Variants in ACAA2 observed in about 807,000 individuals in gnomAD.
The protein encoded by ACAA2 is 3-ketoacyl-CoA thiolase, mitochondrial.
Under a neutral mutation model 44.8 loss-of-function variants are expected in ACAA2, and 35 were observed. That is an observed-to-expected ratio of 0.78 (90% CI 0.60 to 1.04). ACAA2 has a LOEUF of 1.04. Among genes scored for constraint, ACAA2 ranks in the 50% least tolerant of loss-of-function variants. The pLI is 0.00. For synonymous variants in ACAA2, 142 were observed against 166.5 expected, an observed-to-expected ratio of 0.85 and a Z score of 1.13; for missense variants, 468 against 482.6, an observed-to-expected ratio of 0.97 and a Z score of 0.28.
chr18:49,793,459 T>G (rs940882674), intron 5 of ACAA2, among the ~76,000 whole-genome samples: 1 of 152,194 alleles, frequency 6.6e-6, no homozygotes, highest in Non-Finnish European at 1.5e-5. Flanking sequence ...TTGTGCGTGG[T>G]AGAAGTAGAA....
intron 9 of ACAA2, among the ~76,000 whole-genome samples, 198 bp downstream of exon 9, chr18:49,784,999 T>G (rs548334669): frequency 1.3e-4 from 20 of 152,258 alleles, no homozygotes; most frequent in African/African-American, 4.3e-4. Context: ...GGTTCTTAAG[T>G]GCAAAGCCAC....
At chr18:49,793,522 ATAAG>A (rs1011547965) in intron 5 of ACAA2, among the ~76,000 whole-genome samples, 14 of 152,242 alleles carry the variant, frequency 9.2e-5, no homozygotes, top group Non-Finnish European at 2.1e-4. Flanking sequence ...CTATGAACAT[ATAAG>A]TAAAAAAACA....
chr18:49,786,149 TATA>T (rs2023326402), intron 8 of ACAA2: 1 of 151,980 alleles, frequency 6.6e-6, no homozygotes, highest in Non-Finnish European at 1.5e-5. Flanking sequence ...TCTTTCCTAC[TATA>T]CTTTGTGGTC....
At chr18:49,811,442 A>G (rs1320491813) in intron 1 of ACAA2, 1 of 152,208 alleles carries the variant, frequency 6.6e-6, no homozygotes, top group Non-Finnish European at 1.5e-5. Flanking sequence ...GAGCAGTAGG[A>G]GAGCTATGAT....
In ACAA2 at chr18:49,812,434, T is replaced by C. The variant is rs544883203; in HGVS notation, c.16+1035A>G. Among the ~76,000 whole-genome samples the C allele has an allele frequency of 3.3e-5, 5 of 152,308 alleles. No homozygotes were observed. The East Asian group carries it at 9.6e-4, about 29-fold the overall frequency. On this transcript the variant is annotated intron_variant, in intron 1 of 9. Coordinates refer to ENST00000285093, the MANE Select transcript of ACAA2 (RefSeq NM_006111.3). The stretch of plus-strand genomic sequence containing the variant: ...TCATCAAACCAGACACTTTTCATCA[T>C]TCTCGACATTTCCTTCTTATATTTA...
At chr18:49,804,838 AT>A (rs1250483290) in intron 1 of ACAA2, among the ~76,000 whole-genome samples, 1 of 152,220 alleles carries the variant, frequency 6.6e-6, no homozygotes. Flanking sequence ...CAAATATATG[AT>A]TATGATGTGA....
At chr18:49,804,710 T>C (rs1297924852) in intron 1 of ACAA2, among the ~76,000 whole-genome samples, 1 of 152,190 alleles carries the variant, frequency 6.6e-6, no homozygotes, top group Non-Finnish European at 1.5e-5. Context: ...TAATACAAAC[T>C]AAGACTATAA....
intron 2 of ACAA2, among the ~76,000 whole-genome samples, chr18:49,799,130 C>G (rs774313949): frequency 2.0e-5 from 3 of 152,194 alleles, no homozygotes; most frequent in Non-Finnish European, 4.4e-5. Context: ...AACACCCTTT[C>G]ATGACAAAAA....
chr18:49,783,894 T>C lies in ACAA2; in HGVS notation c.1147A>G (p.Ile383Val), dbSNP rs763462443. The C allele has an allele frequency of 5.0e-6, 8 of 1,614,054 alleles. No individual in the cohort carries two copies. The African/African-American group carries it at 1.1e-4, about 22-fold the overall frequency. ...ACAGCAATACCTTGGCCACCTCCAA[T>C]GCAAGCTGATCCAACGGCATATTTT... Reference protein sequence around the residue: ...GGKYAVGSACIGGGQGIAVII... With the variant: ...GGKYAVGSACVGGGQGIAVII... Residue 383 changes from isoleucine to valine, a missense_variant, in exon 10 of 10, where the codon ATT (isoleucine) becomes GTT (valine). Coordinates refer to ENST00000285093, the MANE Select transcript of ACAA2 (RefSeq NM_006111.3).
chr18:49,803,392 G>A (rs1186088054), intron 1 of ACAA2, among the ~76,000 whole-genome samples: 4 of 152,026 alleles, frequency 2.6e-5, no homozygotes, highest in Admixed American at 2.0e-4. Flanking sequence ...CCCCAGTCAC[G>A]TTCCCCACAC....
At chr18:49,789,425 G>T (rs1257938107) in intron 7 of ACAA2, among the ~76,000 whole-genome samples, 1 of 152,070 alleles carries the variant, frequency 6.6e-6, no homozygotes, top group Non-Finnish European at 1.5e-5. Context: ...TGATACTGTG[G>T]GACATCTGGA....
intron 1 of ACAA2, among the ~76,000 whole-genome samples, chr18:49,805,551 C>T (rs2023601153): frequency 1.3e-5 from 2 of 151,956 alleles, no homozygotes; most frequent in South Asian, 4.2e-4. Flanking sequence ...CAGTCTCTGC[C>T]TATTTTTATA....
chr18:49,787,260 T>TTAA lies in ACAA2; in HGVS notation c.954+30_954+31insTTA. The TTAA allele has an allele frequency of 7.8e-6, 8 of 1,023,524 alleles. No individual in the cohort carries two copies. The South Asian group carries it at 1.1e-4, about 14-fold the overall frequency. The allele number at this position is 1,023,524 out of a possible 1,614,324, so 63.4% of individuals were successfully genotyped here. ...AAAGTACATGGTTTATTCATGTTGT[T>TTAA]AAAAAAAAAAAAAAAAAAAAAAACA... On this transcript the variant is annotated intron_variant, in intron 8 of 9. Coordinates refer to ENST00000285093, the MANE Select transcript of ACAA2 (RefSeq NM_006111.3).
intron 2 of ACAA2, among the ~76,000 whole-genome samples, chr18:49,799,684 G>C (rs2023510938): frequency 6.6e-6 from 1 of 150,946 alleles, no homozygotes; most frequent in Non-Finnish European, 1.5e-5. Flanking sequence ...CCATCGTCTG[G>C]GATGTGGGGA....
chr18:49,784,122 AAACAAAAAACAAAG>A (rs982500750), intron 9 of ACAA2, among the ~76,000 whole-genome samples, 191 bp from the exon 10 acceptor site: 3 of 151,624 alleles, frequency 2.0e-5, no homozygotes, highest in Non-Finnish European at 2.9e-5. Flanking sequence ...TAATCAAAAA[AAACAAAAAACAAAG>A]AACAAAAACA....
chr18:49,802,639 C>A, intron 2 of ACAA2, 48 bp downstream of exon 2: 1 of 1,516,596 alleles, frequency 6.6e-7, no homozygotes, highest in South Asian at 1.3e-5. Context: ...TTTTTAGAAA[C>A]TGATCAAAGA....
intron 7 of ACAA2, among the ~76,000 whole-genome samples, chr18:49,788,334 C>A: frequency 6.6e-6 from 1 of 152,210 alleles, no homozygotes; most frequent in Admixed American, 6.5e-5. Flanking sequence ...GTTTCACAAG[C>A]ATTTTACCTT....
At chr18:49,809,004 G>C (rs1011268678) in intron 1 of ACAA2, among the ~76,000 whole-genome samples, 4 of 152,102 alleles carry the variant, frequency 2.6e-5, no homozygotes, top group African/African-American at 4.8e-5. Flanking sequence ...GACACTCCCA[G>C]AGCGGCCATT....
chr18:49,796,017 GC>G, intron 3 of ACAA2, 136 bp from the exon 4 acceptor site: 1 of 570,486 alleles, frequency 1.8e-6, no homozygotes, highest in South Asian at 2.6e-5. Context: ...AAAAGGAAAT[GC>G]TTTTAAAGTA....
Sources: gnomAD v4.1 joint callset for allele counts (sites outside exome capture counted in the v4.1 genomes callset) on GRCh38, gnomAD v4.1.1 for gene constraint, MANE v1.5 for transcripts, NCBI Gene and HGNC (gene_info 2026-07-23, HGNC 2026-07-21) for gene names.